The following SCD5 variants were observed in gnomAD, a reference collection of about 807,000 sequenced individuals.
SCD5 encodes the protein stearoyl-CoA desaturase 5, also known as acyl-CoA-desaturase 4.
A neutral mutation model predicts 30.4 loss-of-function variants in SCD5; 20 were observed. The observed-to-expected ratio is 0.66, with a 90% CI of 0.46 to 0.96. SCD5 has a LOEUF of 0.96. SCD5 is among the 40% of genes least tolerant of loss of function. SCD5 has a pLI of 0.00. For missense variants in SCD5, 381 were observed against 443.3 expected (o/e 0.86, Z 1.26); for synonymous variants, 173 against 176.4 (o/e 0.98, Z 0.16).
At position 82,724,442 on chromosome 4, in the gene SCD5, C is replaced by A. The variant is rs183691807; in HGVS notation, c.233-19029G>T. 8.2e-4 allele frequency among the ~76,000 whole-genome samples: 125 copies of A among 152,168 alleles called. 2 individuals are homozygous for A. Among genetic ancestry groups the A allele is most frequent in the African/African-American group, 2.8e-3 (115 of 41,478 alleles). On this transcript the variant is annotated intron_variant, in intron 1 of 4. Transcript: ENST00000319540. ...GACCAGCCTGGGCAACATGGTGAGACCCCCATCTTTAGAAAAAATAAATAA... is the reference window on the plus strand; with the variant it reads ...GACCAGCCTGGGCAACATGGTGAGAACCCCATCTTTAGAAAAAATAAATAA...
Position 82,740,854 on chromosome 4 carries a change from G to C in SCD5, c.233-35441C>G, listed in dbSNP as rs115892092. 2.8e-3 allele frequency among the ~76,000 whole-genome samples: 421 copies of C among 152,242 alleles called. 4 individuals are homozygous for C. The highest frequency in any genetic ancestry group is 9.8e-3 in the African/African-American group (407 of 41,550). ...TCAGAAAAAGTCTAGAACCAGAACTGACAGAGGCAGAATTCTGTGTTAGAA... is the reference window on the plus strand; with the variant it reads ...TCAGAAAAAGTCTAGAACCAGAACTCACAGAGGCAGAATTCTGTGTTAGAA... On this transcript the variant is annotated intron_variant, in intron 1 of 4. Transcript: ENST00000319540.
intron 1 of SCD5, among the ~76,000 whole-genome samples, chr4:82,718,385 C>T (rs1253153091): frequency 6.6e-6 from 1 of 151,760 alleles, no homozygotes; most frequent in Admixed American, 6.5e-5. Context: ...CCTCATCTCT[C>T]CGTCCTGATT....
chr4:82,679,258 A>AAG lies in SCD5; in HGVS notation c.569+1447_569+1448dup, dbSNP rs1352138491. Among the ~76,000 whole-genome samples the AAG allele has an allele frequency of 6.2e-4, 74 of 120,174 alleles. 3 individuals are homozygous for AAG. Among genetic ancestry groups the AAG allele is most frequent in the Admixed American group, 1.1e-3 (12 of 11,110 alleles). 78.8% of individuals were successfully genotyped at this position (120,174 alleles called of 152,430 possible). A position where few individuals can be genotyped will look rare whatever the true frequency, so the allele number is the denominator to read the frequency against. On this transcript the variant is annotated intron_variant, in intron 3 of 4. Transcript: ENST00000319540. Reference sequence around the variant, plus strand: ...AAAGAAAGAAAGAAAGAAAGAAAGAAAGAAGGAAGGAAAGAAAGAAAGAAG... The same window carrying AAG: ...AAAGAAAGAAAGAAAGAAAGAAAGAAAGAGAAGGAAGGAAAGAAAGAAAGAAG...
chr4:82,657,125 G>A (rs1226211068), intron 3 of SCD5, among the ~76,000 whole-genome samples: 1 of 152,120 alleles, frequency 6.6e-6, no homozygotes, highest in Non-Finnish European at 1.5e-5. Context: ...GTCAATTTTG[G>A]CTTTCATTGC....
At chr4:82,769,184 A>C (rs1721561750) in intron 1 of SCD5, among the ~76,000 whole-genome samples, 1 of 152,076 alleles carries the variant, frequency 6.6e-6, no homozygotes, top group African/African-American at 2.4e-5. Flanking sequence ...TAGAGTGAAG[A>C]TCTCTGAGCT....
rs114783783 is a variant in SCD5, at chr4:82,651,161, C to A, written c.570-14338G>T. 4.4e-3 allele frequency among the ~76,000 whole-genome samples: 668 copies of A among 152,212 alleles called. 6 individuals are homozygous for A. Among genetic ancestry groups the A allele is most frequent in the African/African-American group, 0.015 (625 of 41,546 alleles). ...CACAGATGGTAGTTGGACAAGAGGG[C>A]CTTACAGACCCTCTGAAAGGGTCTT... On this transcript the variant is annotated intron_variant, in intron 3 of 4. Transcript: ENST00000319540.
chr4:82,717,714 G>A lies in SCD5; in HGVS notation c.233-12301C>T, dbSNP rs545912982. ...GCAGATCACTTGAGGTCAGGAGTTC[G>A]AGACCAGCCTGGCAAACATGGTGAA... On this transcript the variant is annotated intron_variant, in intron 1 of 4. Coordinates refer to ENST00000319540, the MANE Select transcript of SCD5 (RefSeq NM_001037582.3). 1.0e-3 allele frequency among the ~76,000 whole-genome samples: 153 copies of A among 151,740 alleles called. 8 individuals are homozygous for A. The highest frequency in any genetic ancestry group is 3.6e-3 in the African/African-American group (147 of 41,126).
Position 82,695,275 on chromosome 4 carries a change from G to A in SCD5, c.363+10008C>T, listed in dbSNP as rs1719675155. On this transcript the variant is annotated intron_variant, in intron 2 of 4. Coordinates refer to ENST00000319540, the MANE Select transcript of SCD5 (RefSeq NM_001037582.3). ...GAAATATTTATTTATTTATTTAGCT[G>A]GAGAGTCGTTTAATTTCCAATAAGC... 4.7e-5 allele frequency among the ~76,000 whole-genome samples: 7 copies of A among 150,380 alleles called. No homozygotes were observed. The South Asian group carries it at 1.5e-3, about 32-fold the overall frequency.
At chr4:82,698,132 A>C in intron 2 of SCD5, 1 of 456,534 alleles carries the variant, frequency 2.2e-6, no homozygotes, top group South Asian at 1.5e-5. Context: ...CTTGAAAGGA[A>C]GAAGGCAAAC....
At chr4:82,704,163 G>T (rs984496259) in intron 2 of SCD5, among the ~76,000 whole-genome samples, 6 of 152,178 alleles carry the variant, frequency 3.9e-5, no homozygotes, top group Non-Finnish European at 8.8e-5. Context: ...ATAAGGAAAT[G>T]AATTCTGAGC....
At chr4:82,660,768 G>A in intron 3 of SCD5, 11 of 1,566,804 alleles carry the variant, frequency 7.0e-6, no homozygotes, top group Middle Eastern at 2.3e-4. Context: ...ACAGACTGCA[G>A]CTCTGTCTAT....
At chr4:82,650,417 A>G (rs1022334790) in intron 3 of SCD5, among the ~76,000 whole-genome samples, 1 of 152,194 alleles carries the variant, frequency 6.6e-6, no homozygotes, top group African/African-American at 2.4e-5. Flanking sequence ...TTTTGAGGTC[A>G]CGCACAGTGG....
chr4:82,757,291 T>A (rs1578055276), intron 1 of SCD5, among the ~76,000 whole-genome samples: 1 of 152,078 alleles, frequency 6.6e-6, no homozygotes, highest in Non-Finnish European at 1.5e-5. Flanking sequence ...CCAGTCATCA[T>A]CTCCTTCAGA....
intron 1 of SCD5, among the ~76,000 whole-genome samples, chr4:82,755,968 C>A (rs963300091): frequency 6.6e-6 from 1 of 152,148 alleles, no homozygotes; most frequent in Non-Finnish European, 1.5e-5. Flanking sequence ...CCCTGCACCA[C>A]CAGAATTTGT....
At chr4:82,644,964 C>A (rs10014168) in intron 3 of SCD5, among the ~76,000 whole-genome samples, 1 of 152,070 alleles carries the variant, frequency 6.6e-6, no homozygotes, top group Non-Finnish European at 1.5e-5. Context: ...TCCTCTCTGC[C>A]TATCTATGAA....
At chr4:82,785,784 T>TG (rs1721972647) in intron 1 of SCD5, among the ~76,000 whole-genome samples, 1 of 152,038 alleles carries the variant, frequency 6.6e-6, no homozygotes, top group Non-Finnish European at 1.5e-5. Context: ...ACAATGGATG[T>TG]GGGGGTGAGA....
At chr4:82,750,425 A>T (rs1160103561) in intron 1 of SCD5, among the ~76,000 whole-genome samples, 2 of 152,256 alleles carry the variant, frequency 1.3e-5, no homozygotes, top group African/African-American at 4.8e-5. Flanking sequence ...TGCAAGAAGT[A>T]AAGGGAATAA....
intron 1 of SCD5, among the ~76,000 whole-genome samples, chr4:82,795,938 AT>A (rs1158973676): frequency 8.7e-4 from 123 of 141,754 alleles, no homozygotes; most frequent in Middle Eastern, 3.7e-3. Context: ...ATTGTCTGCT[AT>A]TTTTTTTTTT....
At chr4:82,723,531 A>G (rs972904085) in intron 1 of SCD5, among the ~76,000 whole-genome samples, 3 of 152,216 alleles carry the variant, frequency 2.0e-5, no homozygotes, top group African/African-American at 7.2e-5. Context: ...GTCGATTACC[A>G]TAAGATGCGC....
Sources: gnomAD v4.1 joint callset for allele counts (sites outside exome capture counted in the v4.1 genomes callset) on GRCh38, gnomAD v4.1.1 for gene constraint, MANE v1.5 for transcripts, NCBI Gene and HGNC (gene_info 2026-07-23, HGNC 2026-07-21) for gene names.